ST7: variants seen among roughly 807,000 people sequenced by gnomAD.
ST7 encodes the protein suppression of tumorigenicity 7.
ST7 carries 28 observed loss-of-function variants against 78.7 expected under a neutral mutation model. The ratio of observed to expected loss-of-function variants is 0.36; its 90% CI spans 0.26 to 0.49. The LOEUF (loss-of-function observed/expected upper bound fraction) is 0.49. Among genes scored for constraint, ST7 ranks in the 20% least tolerant of loss-of-function variants. The pLI, the probability that ST7 is intolerant of heterozygous loss-of-function variation, is 0.99. For synonymous variants in ST7, 247 were observed against 249.6 expected, an observed-to-expected ratio of 0.99 and a Z score of 0.10; for missense variants, 418 against 696.0, an observed-to-expected ratio of 0.60 and a Z score of 4.49.
intron 1 of ST7, chr7:117,020,743 G>C: frequency 6.9e-7 from 1 of 1,458,898 alleles, no homozygotes; most frequent in Non-Finnish European, 9.2e-7. Flanking sequence ...TTTGTATTTT[G>C]GCTCTAATTA....
chr7:117,227,917 A>G (rs1250326440), intron 15 of ST7, among the ~76,000 whole-genome samples: 2 of 152,228 alleles, frequency 1.3e-5, no homozygotes, highest in Non-Finnish European at 2.9e-5. Flanking sequence ...AAGCACTGAC[A>G]TGGCTGCCTG....
Position 117,064,110 on chromosome 7 carries a change from T to C in ST7, c.152-35652T>C, listed in dbSNP as rs559682273. On this transcript the variant is annotated intron_variant, in intron 1 of 15. Transcript: ENST00000323984. ...CTTTGGTTTTTTTAATACGGCATTTTATTCAACAAGAAAAAGCTACTACCT... is the reference window on the plus strand; with the variant it reads ...CTTTGGTTTTTTTAATACGGCATTTCATTCAACAAGAAAAAGCTACTACCT... Among the ~76,000 whole-genome samples, 6 of 152,328 alleles carry C rather than the reference T, an allele frequency of 3.9e-5. No individual in the cohort carries two copies. In the East Asian group the frequency reaches 1.2e-3, roughly 29 times the overall value.
chr7:117,035,554 T>C (rs1022848972), intron 1 of ST7, among the ~76,000 whole-genome samples: 3 of 152,210 alleles, frequency 2.0e-5, no homozygotes, highest in African/African-American at 7.2e-5. Context: ...TTTAACTGAG[T>C]CAATTTCATA....
At position 117,163,481 on chromosome 7, in the gene ST7, G is replaced by C. The variant is rs567339098; in HGVS notation, c.964-7381G>C. Among the ~76,000 whole-genome samples the C allele has an allele frequency of 2.6e-5, 4 of 152,142 alleles. No individual in the cohort carries two copies. In the East Asian group the frequency reaches 5.8e-4, roughly 22 times the overall value. On this transcript the variant is annotated intron_variant, in intron 9 of 15. Coordinates refer to ENST00000323984, the MANE Select transcript of ST7 (RefSeq NM_001369598.1). ...TTTATTTTTGGTCTTTTTTACAATA[G>C]CCATTCTAACTGGGAGGAGATGATA...
At chr7:117,129,389 T>A (rs542263451) in intron 3 of ST7, among the ~76,000 whole-genome samples, 1 of 152,056 alleles carries the variant, frequency 6.6e-6, no homozygotes, top group South Asian at 2.1e-4. Context: ...ATAGTTTGTC[T>A]TGTCATGTAC....
intron 10 of ST7, among the ~76,000 whole-genome samples, chr7:117,174,767 C>A (rs956194914): frequency 6.6e-6 from 1 of 152,174 alleles, no homozygotes; most frequent in Non-Finnish European, 1.5e-5. Context: ...CTCACAATAA[C>A]CCTGCAAGGA....
intron 10 of ST7, among the ~76,000 whole-genome samples, chr7:117,187,954 T>G (rs1809419570): frequency 6.6e-6 from 1 of 152,122 alleles, no homozygotes; most frequent in African/African-American, 2.4e-5. Context: ...TGTCTGGCAT[T>G]TTTTTCTTCT....
chr7:117,136,187 C>A lies in ST7; in HGVS notation c.817C>A (p.Arg273Ser), dbSNP rs562653600. Residue 273 changes from arginine (R) to serine (S), a missense_variant, in exon 8 of 16, where the codon CGC becomes AGC. Coordinates refer to ENST00000323984, the MANE Select transcript of ST7 (RefSeq NM_001369598.1). ...GAAGGCTGGAGATGGCTGTTACCGA[C>A]GCTCTCAGCAGCTACAACATCATGG... ...ALKAGDGCYR[R>S]SQQLQHHGSQ... 6.2e-7 allele frequency: 1 copy of A among 1,613,476 alleles called. No individual in the cohort carries two copies. The highest frequency in any genetic ancestry group is 1.3e-5 in the African/African-American group (1 of 74,854).
At chr7:117,154,207 T>C (rs1018979065) in intron 9 of ST7, among the ~76,000 whole-genome samples, 23 of 152,234 alleles carry the variant, frequency 1.5e-4, no homozygotes, top group South Asian at 1.0e-3. Context: ...AGTGCCCTTA[T>C]AAGAAAAGAC....
chr7:117,050,285 A>G (rs982896497), intron 1 of ST7, among the ~76,000 whole-genome samples: 1 of 152,224 alleles, frequency 6.6e-6, no homozygotes, highest in Admixed American at 6.5e-5. Flanking sequence ...GTGATGAGCA[A>G]TTCACTGGAG....
chr7:117,219,118 G>A lies in ST7; in HGVS notation c.1440G>A (p.Gly480=). 5 of 1,613,508 alleles carry A rather than the reference G, an allele frequency of 3.1e-6. No homozygotes were observed. The highest frequency in any genetic ancestry group is 2.2e-5 in the East Asian group (1 of 44,792). ...FRMIPYPLEK[G]HLFYPYPICT... is the part of the protein sequence containing the mutation. ...TGATCCCTTATCCCTTGGAAAAGGG[G>A]CACCTATTTTATCCTTACCCAATCT... The change falls in exon 14 of 16, where the codon GGG becomes GGA. Residue 480 remains glycine, a synonymous_variant. Coordinates refer to ENST00000323984, the MANE Select transcript of ST7 (RefSeq NM_001369598.1). The surrounding 1 kb of genome is among the most constrained non-coding windows in gnomAD (Gnocchi z 5.1).
chr7:117,068,230 T>C (rs1361365542), intron 1 of ST7, among the ~76,000 whole-genome samples: 2 of 151,488 alleles, frequency 1.3e-5, no homozygotes, highest in Non-Finnish European at 2.9e-5. Context: ...TATATTTTTC[T>C]TTTTTTTTCT....
intron 2 of ST7, among the ~76,000 whole-genome samples, chr7:117,119,252 A>G (rs1371541060): frequency 6.6e-6 from 1 of 152,210 alleles, no homozygotes; most frequent in African/African-American, 2.4e-5. Context: ...TCTTTCAGCT[A>G]TGGTGATTTT....
At chr7:117,017,795 G>A (rs1390524633) in intron 1 of ST7, among the ~76,000 whole-genome samples, 1 of 152,184 alleles carries the variant, frequency 6.6e-6, no homozygotes, top group Non-Finnish European at 1.5e-5. Context: ...TTTGGTCAAA[G>A]ATGGGTCTTC....
chr7:117,217,274 G>C (rs949821891), intron 13 of ST7, among the ~76,000 whole-genome samples: 1 of 146,266 alleles, frequency 6.8e-6, no homozygotes, highest in Non-Finnish European at 1.5e-5. Flanking sequence ...TGCACATGGA[G>C]AATCTGGATT....
intron 9 of ST7, among the ~76,000 whole-genome samples, chr7:117,139,545 A>T (rs1289979076): frequency 6.6e-6 from 1 of 151,792 alleles, no homozygotes; most frequent in African/African-American, 2.4e-5. Flanking sequence ...CTCAACGCTC[A>T]CCCCTGGTTA....
At chr7:117,065,275 C>G (rs1798573111) in intron 1 of ST7, among the ~76,000 whole-genome samples, 1 of 141,514 alleles carries the variant, frequency 7.1e-6, no homozygotes, top group Non-Finnish European at 1.5e-5. Context: ...GTGGCACGAT[C>G]TCCGCTCACT....
At chr7:117,012,114 T>G (rs1795409695) in intron 1 of ST7, among the ~76,000 whole-genome samples, 1 of 152,220 alleles carries the variant, frequency 6.6e-6, no homozygotes, top group African/African-American at 2.4e-5. Flanking sequence ...ACTCTCATTT[T>G]AAGCTATCAC....
intron 12 of ST7, among the ~76,000 whole-genome samples, chr7:117,194,633 A>G (rs1414176595): frequency 6.6e-6 from 1 of 152,256 alleles, no homozygotes; most frequent in East Asian, 1.9e-4. Context: ...GGATTAAAAT[A>G]GCTTTGCATG....
Sources: gnomAD v4.1 joint callset for allele counts (sites outside exome capture counted in the v4.1 genomes callset) on GRCh38, gnomAD v4.1.1 for gene constraint, Gnocchi (gnomAD v3.1) non-coding constraint, MANE v1.5 for transcripts, NCBI Gene and HGNC (gene_info 2026-07-23, HGNC 2026-07-21) for gene names.